Variants in CMIP observed in about 807,000 individuals in gnomAD.
CMIP encodes the protein C-Maf-inducing protein.
CMIP carries 13 observed loss-of-function variants against 97.3 expected under a neutral mutation model. The observed-to-expected ratio is 0.13, with a 90% CI of 0.09 to 0.21. CMIP has a LOEUF of 0.21. Ranked by LOEUF, CMIP falls within the 10% of genes least tolerant of loss-of-function variation. CMIP has a pLI of 1.00. For missense variants in CMIP, 847 were observed against 1,024.9 expected (o/e 0.83, Z 2.37); for synonymous variants, 538 against 436.3 (o/e 1.23, Z -2.91).
intron 1 of CMIP, among the ~76,000 whole-genome samples, chr16:81,480,579 A>AC (rs1908198837): frequency 6.6e-6 from 1 of 151,916 alleles, no homozygotes; most frequent in South Asian, 2.1e-4. Flanking sequence ...CAAAGCCCTG[A>AC]CCCATTCTGC....
intron 10 of CMIP, among the ~76,000 whole-genome samples, chr16:81,683,598 C>G (rs767713055): frequency 6.6e-6 from 1 of 151,930 alleles, no homozygotes; most frequent in Admixed American, 6.6e-5. Context: ...CCATGTTGGC[C>G]AGGCTGGTCT....
intron 1 of CMIP, among the ~76,000 whole-genome samples, chr16:81,499,653 G>C (rs184834443): frequency 7.2e-5 from 11 of 152,158 alleles, no homozygotes; most frequent in Admixed American, 7.2e-4. Context: ...GACTGGGCTG[G>C]CATGTGGCCT....
intron 1 of CMIP, among the ~76,000 whole-genome samples, chr16:81,571,550 GA>G (rs1339219500): frequency 8.1e-6 from 1 of 122,776 alleles, no homozygotes; most frequent in African/African-American, 3.3e-5. Context: ...AGGAGTTTGA[GA>G]CCAGTTTGGG....
intron 13 of CMIP, among the ~76,000 whole-genome samples, chr16:81,693,890 C>A (rs545630753): frequency 2.6e-5 from 4 of 152,298 alleles, no homozygotes; most frequent in African/African-American, 9.6e-5. Flanking sequence ...GTCATGGTGG[C>A]CAAGGGTTTC....
At chr16:81,639,952 G>C (rs2092284048) in intron 3 of CMIP, among the ~76,000 whole-genome samples, 1 of 152,218 alleles carries the variant, frequency 6.6e-6, no homozygotes, top group South Asian at 2.1e-4. Flanking sequence ...TAGCTGGTGT[G>C]ATGGTGGCTG....
At chr16:81,676,661 A>C (rs990153926) in intron 9 of CMIP, among the ~76,000 whole-genome samples, 1 of 152,046 alleles carries the variant, frequency 6.6e-6, no homozygotes, top group African/African-American at 2.4e-5. Context: ...TCCCCCAGCA[A>C]AGCTGAAAGT....
At chr16:81,458,321 G>A (rs1028254684) in intron 1 of CMIP, among the ~76,000 whole-genome samples, 2 of 152,182 alleles carry the variant, frequency 1.3e-5, no homozygotes, top group Non-Finnish European at 2.9e-5. Context: ...TGGCATGCAG[G>A]TTCTACCCGC....
At chr16:81,574,658 C>T (rs1288840522) in intron 1 of CMIP, among the ~76,000 whole-genome samples, 2 of 152,224 alleles carry the variant, frequency 1.3e-5, no homozygotes, top group African/African-American at 4.8e-5. Context: ...CACCCTTGCT[C>T]AGTTTTTTCT....
At chr16:81,657,195 T>C (rs1012898403) in intron 4 of CMIP, among the ~76,000 whole-genome samples, 1 of 152,208 alleles carries the variant, frequency 6.6e-6, no homozygotes, top group Non-Finnish European at 1.5e-5. Context: ...ATGTAATCCA[T>C]TCAACCTAAT....
At position 81,614,784 on chromosome 16, in the gene CMIP, C is replaced by T. The variant is rs192811149; in HGVS notation, c.427-6092C>T. Among the ~76,000 whole-genome samples the T allele has an allele frequency of 2.7e-5, 4 of 150,270 alleles. 1 individual carries two copies. In the East Asian group the frequency reaches 7.9e-4, roughly 30 times the overall value. Reference sequence around the variant, plus strand: ...GTCTGTGGTGTGTGTGGTATGTGTGCATGTGTGTGCCTGATATGTGTGTTT... The same window carrying T: ...GTCTGTGGTGTGTGTGGTATGTGTGTATGTGTGTGCCTGATATGTGTGTTT... On this transcript the variant is annotated intron_variant, in intron 2 of 20. Transcript: ENST00000537098. The surrounding 1 kb of genome is among the most constrained non-coding windows in gnomAD (Gnocchi z 5.3).
intron 20 of CMIP, among the ~76,000 whole-genome samples, chr16:81,708,843 G>A (rs183174299): frequency 6.6e-6 from 1 of 152,250 alleles, no homozygotes; most frequent in African/African-American, 2.4e-5. Context: ...AGCCATTGAG[G>A]GTTGTTGAGC....
intron 1 of CMIP, among the ~76,000 whole-genome samples, chr16:81,560,025 G>A (rs913897222): frequency 1.3e-5 from 2 of 151,626 alleles, no homozygotes; most frequent in Admixed American, 6.6e-5. Context: ...GTGTGCACCT[G>A]TAATCCCAGC....
intron 1 of CMIP, among the ~76,000 whole-genome samples, chr16:81,538,074 C>T (rs144180821): frequency 1.0e-3 from 156 of 152,368 alleles, no homozygotes; most frequent in Middle Eastern, 3.4e-3. Flanking sequence ...ACCACAGTCT[C>T]GTTGCATCCC....
At chr16:81,592,659 C>T (rs1438294494) in intron 1 of CMIP, among the ~76,000 whole-genome samples, 2 of 152,248 alleles carry the variant, frequency 1.3e-5, no homozygotes, top group African/African-American at 2.4e-5. Flanking sequence ...GTCCTGGCTT[C>T]CATGTGGCCG....
rs1906750788 is a variant in CMIP, at chr16:81,696,631, G to A, written c.1602G>A (p.Val534=). 1 of 1,607,064 alleles carries A rather than the reference G, an allele frequency of 6.2e-7. No individual in the cohort carries two copies. Among genetic ancestry groups the A allele is most frequent in the Non-Finnish European group, 8.5e-7 (1 of 1,179,838 alleles). The part of the protein sequence containing the change: ...GWFQLYSPGG[V]ACDDDGELFA... ...TCCAGCTCTACAGCCCCGGAGGGGT[G>A]GCCTGCGACGATGACGGGGAGCTGT... Residue 534 remains valine (V), a synonymous_variant, in exon 14 of 21, where the codon GTG becomes GTA. Coordinates refer to ENST00000537098, the MANE Select transcript of CMIP (RefSeq NM_198390.3).
chr16:81,666,606 C>T (rs887238770), intron 7 of CMIP: 1 of 152,148 alleles, frequency 6.6e-6, no homozygotes, highest in African/African-American at 2.4e-5. Context: ...GACCCTCAGC[C>T]ATGAGTCCTC....
At chr16:81,516,511 ACT>A (rs2089917363) in intron 1 of CMIP, among the ~76,000 whole-genome samples, 1 of 151,772 alleles carries the variant, frequency 6.6e-6, no homozygotes, top group African/African-American at 2.4e-5. Flanking sequence ...CTCCCTGGAC[ACT>A]CTCATGCTCT....
At chr16:81,461,798 C>T (rs1247315822) in intron 1 of CMIP, among the ~76,000 whole-genome samples, 1 of 152,226 alleles carries the variant, frequency 6.6e-6, no homozygotes, top group East Asian at 1.9e-4. Flanking sequence ...GGGTAGATCA[C>T]ATGAGTTCTC....
At chr16:81,596,555 A>G (rs980038446) in intron 1 of CMIP, among the ~76,000 whole-genome samples, 3 of 152,084 alleles carry the variant, frequency 2.0e-5, no homozygotes, top group African/African-American at 7.3e-5. Flanking sequence ...CATACACACA[A>G]AAGAGTACAC....
Sources: gnomAD v4.1 joint callset for allele counts (sites outside exome capture counted in the v4.1 genomes callset) on GRCh38, gnomAD v4.1.1 for gene constraint, Gnocchi (gnomAD v3.1) non-coding constraint, MANE v1.5 for transcripts, NCBI Gene and HGNC (gene_info 2026-07-23, HGNC 2026-07-21) for gene names.